The following SEC14L5 variants were observed in gnomAD, a reference collection of about 807,000 sequenced individuals.
SEC14L5 encodes SEC14 like lipid binding 5, also known as SEC14-like protein 5.
A neutral mutation model predicts 84.6 loss-of-function variants in SEC14L5; 96 were observed. That is an observed-to-expected ratio of 1.13 (90% CI 0.96 to 1.34). The LOEUF (loss-of-function observed/expected upper bound fraction) is 1.34, where lower values mean the gene tolerates loss of function less well. Ranked by LOEUF, SEC14L5 falls within the 40% of genes most tolerant of loss-of-function variation. The probability of loss-of-function intolerance (pLI) is 0.00; values close to 1 mark genes in which losing one functional copy is unlikely to be tolerated. For missense variants in SEC14L5, 1,224 were observed against 942.5 expected (o/e 1.30, Z -3.91); for synonymous variants, 546 against 383.4 (o/e 1.42, Z -4.95).
chr16:5,009,055 A>G (rs1029421496), intron 14 of SEC14L5, among the ~76,000 whole-genome samples: 12 of 152,210 alleles, frequency 7.9e-5, no homozygotes, highest in African/African-American at 2.9e-4. Context: ...AGGAGTTCAC[A>G]AGTCCAAAAC....
intron 15 of SEC14L5, among the ~76,000 whole-genome samples, chr16:5,012,229 G>C (rs902704869): frequency 2.0e-5 from 3 of 152,132 alleles, no homozygotes; most frequent in African/African-American, 7.2e-5. Context: ...AGTGTGAGGC[G>C]ACAGGCTGAG....
At chr16:5,005,803 G>T in intron 11 of SEC14L5, 111 bp from the exon 12 acceptor site, 2 of 1,068,300 alleles carry the variant, frequency 1.9e-6, no homozygotes, top group Non-Finnish European at 2.6e-6. Flanking sequence ...GGTGGAGCTT[G>T]CAGTGAGCCA....
At chr16:4,968,672 G>A (rs1955236098) in intron 2 of SEC14L5, among the ~76,000 whole-genome samples, 1 of 152,180 alleles carries the variant, frequency 6.6e-6, no homozygotes, top group African/African-American at 2.4e-5. Context: ...TGTGGCTTTA[G>A]GAATGACCTG....
At position 4,996,959 on chromosome 16, in the gene SEC14L5, C is replaced by T. The variant is rs367712638; in HGVS notation, c.885C>T (p.His295=). The T allele has an allele frequency of 9.9e-6, 16 of 1,613,628 alleles. No homozygotes were observed. Among genetic ancestry groups the T allele is most frequent in the Non-Finnish European group, 1.4e-5 (16 of 1,179,714 alleles). ...AGTCCTTGAGCTGGCGCAAGCAGCACCAGGTGGATCTCCTCCTTCAGACCT... is the reference window on the plus strand; with the variant it reads ...AGTCCTTGAGCTGGCGCAAGCAGCATCAGGTGGATCTCCTCCTTCAGACCT... ...LRQSLSWRKQ[H]QVDLLLQTWQ... is the part of the protein sequence containing the mutation. The change falls in exon 8 of 16, where the codon CAC becomes CAT. Residue 295 remains histidine (H), a synonymous_variant. Coordinates refer to ENST00000251170, the MANE Select transcript of SEC14L5 (RefSeq NM_014692.2).
intron 12 of SEC14L5, 143 bp downstream of exon 12, chr16:5,006,191 G>C: frequency 1.3e-6 from 1 of 764,292 alleles, no homozygotes; most frequent in Non-Finnish European, 2.1e-6. Flanking sequence ...GGTCTTGCTG[G>C]CTCTCAGCAG....
At chr16:5,001,634 T>C (rs1470780346) in intron 10 of SEC14L5, among the ~76,000 whole-genome samples, 1 of 152,130 alleles carries the variant, frequency 6.6e-6, no homozygotes, top group African/African-American at 2.4e-5. Flanking sequence ...AGGAACCCAG[T>C]GTCCTCTGCA....
chr16:5,000,910 T>G lies in SEC14L5; in HGVS notation c.1115T>G (p.Leu372Arg). The change falls in exon 10 of 16, where the codon CTG becomes CGG. Residue 372 changes from leucine to arginine, a missense_variant. Leu to Arg is a moderately radical substitution (Grantham distance 102). Transcript: ENST00000251170. ...CGGTGTGAGGGGAGCACAAGGCAGC[T>G]GGGCCGTCCCATCAGGCAAACACCT... ...QKRCEGSTRQ[L>R]GRPISSWTCL... The G allele has an allele frequency of 6.2e-7, 1 of 1,607,720 alleles. No individual in the cohort carries two copies. Among genetic ancestry groups the G allele is most frequent in the Non-Finnish European group, 8.5e-7 (1 of 1,177,346 alleles).
In SEC14L5 at chr16:5,008,449, C is replaced by T. The variant is rs1316720469; in HGVS notation, c.1601C>T (p.Ser534Leu). 5.0e-6 allele frequency: 8 copies of T among 1,613,106 alleles called. No homozygotes were observed. Among genetic ancestry groups the T allele is most frequent in the South Asian group, 2.2e-5 (2 of 91,014 alleles). ...EVAVEILEGE[S>L]VITWDFDILR... Reference sequence around the variant, plus strand: ...GCCGTGGAGATCCTGGAAGGAGAGTCGGTCATCACCTGGGACTTTGACATC... The same window carrying T: ...GCCGTGGAGATCCTGGAAGGAGAGTTGGTCATCACCTGGGACTTTGACATC... The change falls in exon 14 of 16, where the codon TCG becomes TTG. Residue 534 changes from serine to leucine, a missense_variant. Physicochemically the swap from Ser to Leu is moderately radical, Grantham distance 145 (BLOSUM62 -2). Transcript: ENST00000251170.
chr16:5,012,688 T>A (rs1198762600), intron 15 of SEC14L5, among the ~76,000 whole-genome samples: 1 of 152,210 alleles, frequency 6.6e-6, no homozygotes, highest in South Asian at 2.1e-4. Flanking sequence ...GTGGATCATC[T>A]GTGGTCAAGA....
In SEC14L5 at chr16:5,013,480, G is replaced by A. The variant is rs72772002; in HGVS notation, c.1980-1379G>A. On this transcript the variant is annotated intron_variant, in intron 15 of 15. Coordinates refer to ENST00000251170, the MANE Select transcript of SEC14L5 (RefSeq NM_014692.2). ...TAGCTTACTGTAGCCTTGAACTCCC[G>A]GGCTCAAGCAATCCTCCAACCTCAG... Among the ~76,000 whole-genome samples the A allele has an allele frequency of 5.6e-3, 838 of 150,886 alleles. 6 individuals carry two copies. The highest frequency in any genetic ancestry group is 0.019 in the African/African-American group (797 of 41,090).
chr16:4,993,020 C>T (rs2142508796), intron 6 of SEC14L5, among the ~76,000 whole-genome samples: 1 of 151,266 alleles, frequency 6.6e-6, no homozygotes, highest in East Asian at 1.9e-4. Context: ...GGTGTGGTTG[C>T]ACCATAACTA....
intron 15 of SEC14L5, 63 bp from the exon 16 acceptor site, chr16:5,014,796 T>C: frequency 7.8e-7 from 1 of 1,284,510 alleles, no homozygotes; most frequent in South Asian, 1.2e-5. Flanking sequence ...TCCACTGCTG[T>C]GTGTCAGCCC....
intron 8 of SEC14L5, among the ~76,000 whole-genome samples, chr16:4,998,244 T>C (rs996946645): frequency 5.3e-5 from 8 of 151,414 alleles, no homozygotes; most frequent in African/African-American, 1.9e-4. Flanking sequence ...TGACCTCAAG[T>C]GATCCGCCCG....
chr16:5,012,001 T>C (rs1267562575), intron 15 of SEC14L5, among the ~76,000 whole-genome samples: 1 of 152,220 alleles, frequency 6.6e-6, no homozygotes, highest in Non-Finnish European at 1.5e-5. Context: ...CTAAAAATGA[T>C]GCTTTAAATT....
intron 3 of SEC14L5, 133 bp from the exon 4 acceptor site, chr16:4,988,016 G>C: frequency 1.0e-6 from 1 of 962,904 alleles, no homozygotes. Context: ...GGTCCGGGCT[G>C]GGTGGGCGGT....
chr16:5,003,771 A>G (rs751169748), intron 11 of SEC14L5, among the ~76,000 whole-genome samples, 198 bp downstream of exon 11: 1 of 152,204 alleles, frequency 6.6e-6, no homozygotes, highest in African/African-American at 2.4e-5. Flanking sequence ...GAGTTAAGCA[A>G]TTGTCACCAC....
In SEC14L5 at chr16:4,987,611, G is replaced by T. The variant is rs1955504950; in HGVS notation, c.118G>T (p.Glu40Ter). The stretch of plus-strand genomic sequence containing the variant: ...ACAGATCCCAGTCTTCCTGGGCAGC[G>T]AGGTCTTGCGCGAGTCCCGCAGCCC... ...CPQIPVFLGS[E>*]VLRESRSPDG... The change falls in exon 3 of 16, where the codon GAG (glutamate) becomes TAG (stop). Residue 40 changes from glutamate (E) to a stop codon, truncating the protein, a stop_gained. Transcript: ENST00000251170. LOFTEE classifies it high-confidence loss of function. 2.6e-6 allele frequency: 4 copies of T among 1,559,336 alleles called. No individual in the cohort carries two copies. The highest frequency in any genetic ancestry group is 3.5e-6 in the Non-Finnish European group (4 of 1,152,710).
rs117461987 is a variant in SEC14L5, at chr16:5,000,339, G to A, written c.971-316G>A. 1.5e-3 allele frequency among the ~76,000 whole-genome samples: 235 copies of A among 152,310 alleles called. 6 individuals carry two copies. The East Asian group carries it at 0.04, about 26-fold the overall frequency. On this transcript the variant is annotated intron_variant, in intron 8 of 15. Coordinates refer to ENST00000251170, the MANE Select transcript of SEC14L5 (RefSeq NM_014692.2). ...TTTTGTAGAGAAGAGGTCTCATTAT[G>A]TTGCCCAGGCTGGTCTCAAAACTCC...
rs548773181 is a variant in SEC14L5, at chr16:4,999,596, G to T, written c.971-1059G>T. Among the ~76,000 whole-genome samples the T allele has an allele frequency of 2.1e-4, 32 of 152,098 alleles. No homozygotes were observed. In the East Asian group the frequency reaches 5.8e-3, roughly 28 times the overall value. On this transcript the variant is annotated intron_variant, in intron 8 of 15. Coordinates refer to ENST00000251170, the MANE Select transcript of SEC14L5 (RefSeq NM_014692.2). ...GATCATGCCACTGCACTCCAGCCTG[G>T]GTGACAGAGTGAAACCCTGCCTCAA...
Sources: allele counts gnomAD v4.1 joint callset (sites outside exome capture counted in the v4.1 genomes callset), GRCh38; gene constraint gnomAD v4.1.1; transcripts MANE v1.5; gene names NCBI Gene and HGNC (gene_info 2026-07-23, HGNC 2026-07-21).